The following SCAND3 variants were observed in gnomAD, a reference collection of about 807,000 sequenced individuals.
SCAND3 encodes SCAN domain containing 3, also known as SCAN domain-containing protein 3.
At chr6:28,576,439 T>C in the SCAND3 span, among the ~76,000 whole-genome samples, 1 of 152,112 alleles carries the variant, frequency 6.6e-6, no homozygotes, top group East Asian at 1.9e-4. Flanking sequence ...TTTTTATTTT[T>C]AGTAGAGATG....
At chr6:28,603,486 T>C in the SCAND3 span, among the ~76,000 whole-genome samples, 2 of 152,188 alleles carry the variant, frequency 1.3e-5, no homozygotes, top group African/African-American at 2.4e-5. Flanking sequence ...ATGTTTGTTA[T>C]AACACAGTTT....
At chr6:28,611,459 A>C in the SCAND3 span, among the ~76,000 whole-genome samples, 1 of 152,200 alleles carries the variant, frequency 6.6e-6, no homozygotes, top group African/African-American at 2.4e-5. Context: ...AAAACTAACA[A>C]AAGGATATAA....
At chr6:28,579,362 A>C in the SCAND3 span, 2 of 1,614,046 alleles carry the variant, frequency 1.2e-6, no homozygotes, top group Non-Finnish European at 1.7e-6. The surrounding 1 kb of genome is among the most constrained non-coding windows in gnomAD (Gnocchi z 4.5). Flanking sequence ...TCCTTTGCAG[A>C]ATCCAGAGGG....
the SCAND3 span, among the ~76,000 whole-genome samples, chr6:28,586,036 C>T: frequency 6.6e-6 from 1 of 152,124 alleles, no homozygotes; most frequent in Non-Finnish European, 1.5e-5. This position sits in a 1 kb window ranked among gnomAD's most constrained non-coding sequence, Gnocchi z 4.4. Flanking sequence ...TCTTTAATCT[C>T]ATAGTCACTA....
the SCAND3 span, among the ~76,000 whole-genome samples, chr6:28,598,876 C>CAAA: frequency 0.041 from 3,027 of 74,164 alleles, 160 homozygotes; most frequent in African/African-American, 0.084. Flanking sequence ...GACTATGTCT[C>CAAA]AAAAAAAAAA....
chr6:28,571,805 T>G, the SCAND3 span: 1 of 1,409,320 alleles, frequency 7.1e-7, no homozygotes, highest in African/African-American at 1.5e-5. Context: ...CATACTTCCA[T>G]AACTGTAACT....
the SCAND3 span, among the ~76,000 whole-genome samples, chr6:28,601,083 T>G: frequency 6.6e-6 from 1 of 151,956 alleles, no homozygotes; most frequent in Non-Finnish European, 1.5e-5. Context: ...CTTTTCGTAT[T>G]TTTAGTAGAC....
the SCAND3 span, chr6:28,572,680 C>T: frequency 6.2e-7 from 1 of 1,614,076 alleles, no homozygotes; most frequent in Non-Finnish European, 8.5e-7. This position sits in a 1 kb window ranked among gnomAD's most constrained non-coding sequence, Gnocchi z 4.1. Context: ...TTCAAACATT[C>T]TTGACAGAAC....
At chr6:28,611,728 T>G in the SCAND3 span, among the ~76,000 whole-genome samples, 2 of 152,344 alleles carry the variant, frequency 1.3e-5, no homozygotes, top group East Asian at 3.9e-4. Flanking sequence ...CTAGACAATT[T>G]TGGTGAAAGG....
At chr6:28,576,467 C>A in the SCAND3 span, among the ~76,000 whole-genome samples, 1 of 152,056 alleles carries the variant, frequency 6.6e-6, no homozygotes, top group African/African-American at 2.4e-5. Context: ...ACCATGTTGG[C>A]CAGACTGGTC....
At chr6:28,595,183 C>T in the SCAND3 span, among the ~76,000 whole-genome samples, 1 of 122,554 alleles carries the variant, frequency 8.2e-6, no homozygotes, top group African/African-American at 3.4e-5. Context: ...CATGGTGGAA[C>T]CCCGTCACTA....
At chr6:28,600,970 C>G in the SCAND3 span, among the ~76,000 whole-genome samples, 1 of 144,772 alleles carries the variant, frequency 6.9e-6, no homozygotes, top group South Asian at 2.2e-4. Context: ...GGCGCGATCT[C>G]GGCTCACCGC....
At chr6:28,590,216 C>T in the SCAND3 span, 1 of 152,394 alleles carries the variant, frequency 6.6e-6, no homozygotes, top group African/African-American at 2.4e-5. Flanking sequence ...GTAAAAAGAC[C>T]TCTGCCTTCA....
At chr6:28,581,198 C>G in the SCAND3 span, among the ~76,000 whole-genome samples, 5 of 151,990 alleles carry the variant, frequency 3.3e-5, no homozygotes, top group African/African-American at 1.2e-4. Flanking sequence ...ATTAGCCAGG[C>G]ATGGTAGCAC....
chr6:28,602,572 A>G, the SCAND3 span, among the ~76,000 whole-genome samples: 1 of 152,204 alleles, frequency 6.6e-6, no homozygotes, highest in Admixed American at 6.5e-5. Context: ...CTCTGCCCCA[A>G]TACCTCATTC....
the SCAND3 span, chr6:28,573,198 C>T: frequency 6.2e-7 from 1 of 1,613,898 alleles, no homozygotes; most frequent in Non-Finnish European, 8.5e-7. Context: ...ATGAAAAATA[C>T]TTTGCTAGTT....
the SCAND3 span, among the ~76,000 whole-genome samples, chr6:28,612,466 A>G: frequency 2.0e-4 from 30 of 152,210 alleles, no homozygotes; most frequent in Admixed American, 2.6e-4. Flanking sequence ...GATGTTGTAA[A>G]TTAGGACTCG....
chr6:28,591,737 C>T, the SCAND3 span: 1 of 152,148 alleles, frequency 6.6e-6, no homozygotes, highest in Non-Finnish European at 1.5e-5. Flanking sequence ...TAAAGTCTTC[C>T]TTGCCTATTT....
the SCAND3 span, among the ~76,000 whole-genome samples, chr6:28,607,664 G>A: frequency 5.9e-5 from 9 of 152,066 alleles, no homozygotes; most frequent in South Asian, 1.9e-3. Flanking sequence ...TGAATCACCA[G>A]ATATGGAAGC....
Sources: gnomAD v4.1 joint callset for allele counts (sites outside exome capture counted in the v4.1 genomes callset) on GRCh38, gnomAD v4.1.1 for gene constraint, Gnocchi (gnomAD v3.1) non-coding constraint, MANE v1.5 for transcripts, NCBI Gene and HGNC (gene_info 2026-07-23, HGNC 2026-07-21) for gene names.